Variants in NELL1 observed in about 807,000 individuals in gnomAD.
The protein encoded by NELL1 is protein kinase C-binding protein NELL1.
NELL1 carries 76 observed loss-of-function variants against 107.4 expected under a neutral mutation model. The ratio of observed to expected loss-of-function variants is 0.71; its 90% confidence interval spans 0.59 to 0.86. The LOEUF is 0.86. NELL1 is among the 40% of genes least tolerant of loss of function. The pLI is 0.00. For synonymous variants in NELL1, 353 were observed against 341.2 expected (o/e 1.03, Z -0.38); for missense variants, 1,024 against 1,005.5 (o/e 1.02, Z -0.25).
intron 3 of NELL1, among the ~76,000 whole-genome samples, chr11:20,840,494 A>C (rs758696988): frequency 1.2e-4 from 19 of 152,144 alleles, no homozygotes; most frequent in Non-Finnish European, 2.5e-4. Flanking sequence ...AGGTGTTTTC[A>C]CTCATAAAGC....
At chr11:20,972,314 A>G (rs189821535) in intron 12 of NELL1, among the ~76,000 whole-genome samples, 310 of 152,312 alleles carry the variant, frequency 2.0e-3, no homozygotes, top group African/African-American at 6.9e-3. Context: ...GTTCAATAAG[A>G]TATAAGTAAG....
At chr11:21,072,520 C>T (rs1282236069) in intron 12 of NELL1, among the ~76,000 whole-genome samples, 2 of 152,150 alleles carry the variant, frequency 1.3e-5, no homozygotes, top group African/African-American at 4.8e-5. Flanking sequence ...CTTCATGCTG[C>T]AAGTTCTTGG....
rs147375207 is a variant in NELL1 at position 21,416,111 on chromosome 11, C to G, written c.1645+45163C>G. ...ATCTTTCTTCAGAGAGAAAATAGAACGCTACATAAGGTGTTTTCAAGTGCT... is the reference window on the plus strand; with the variant it reads ...ATCTTTCTTCAGAGAGAAAATAGAAGGCTACATAAGGTGTTTTCAAGTGCT... On this transcript the variant is annotated intron_variant, in intron 15 of 19. Transcript: ENST00000357134. 9.9e-3 allele frequency among the ~76,000 whole-genome samples: 1,502 copies of G among 152,104 alleles called. 68 individuals carry two copies. The highest frequency in any genetic ancestry group is 0.089 in the Admixed American group (1,360 of 15,246).
At chr11:20,891,616 C>G (rs555782794) in intron 5 of NELL1, among the ~76,000 whole-genome samples, 1 of 152,138 alleles carries the variant, frequency 6.6e-6, no homozygotes, top group East Asian at 1.9e-4. Context: ...TTCAGGAGAT[C>G]CATCTTACAT....
intron 15 of NELL1, among the ~76,000 whole-genome samples, chr11:21,435,431 G>GT (rs1231347280): frequency 8.0e-6 from 1 of 124,754 alleles, no homozygotes; most frequent in Non-Finnish European, 1.6e-5. Flanking sequence ...AGCTTTTATT[G>GT]TTTTTTGTTT....
intron 14 of NELL1, among the ~76,000 whole-genome samples, chr11:21,363,391 G>A (rs1418192567): frequency 6.6e-6 from 1 of 152,190 alleles, no homozygotes; most frequent in African/African-American, 2.4e-5. Flanking sequence ...ATTGCCAAGT[G>A]GAGATGTGTG....
chr11:21,358,286 T>G (rs1850985385), intron 14 of NELL1, among the ~76,000 whole-genome samples: 1 of 152,234 alleles, frequency 6.6e-6, no homozygotes. Context: ...GCATAGGATG[T>G]GTCTCCATTT....
intron 12 of NELL1, among the ~76,000 whole-genome samples, chr11:21,044,100 T>C (rs986728716): frequency 1.3e-5 from 2 of 152,210 alleles, no homozygotes; most frequent in Middle Eastern, 3.4e-3. Context: ...TCAGATCAAA[T>C]CCTGAGGATG....
At chr11:20,855,407 G>T (rs543531667) in intron 4 of NELL1, among the ~76,000 whole-genome samples, 1 of 152,114 alleles carries the variant, frequency 6.6e-6, no homozygotes, top group Non-Finnish European at 1.5e-5. Context: ...TACCTGAGGC[G>T]AGGAGTGGAT....
At chr11:20,784,842 G>A (rs1856921828) in intron 3 of NELL1, among the ~76,000 whole-genome samples, 1 of 152,194 alleles carries the variant, frequency 6.6e-6, no homozygotes, top group South Asian at 2.1e-4. Context: ...GTATGGTGGA[G>A]TTTGGCAATG....
chr11:21,135,864 A>G (rs944620459), intron 13 of NELL1, among the ~76,000 whole-genome samples: 1 of 152,188 alleles, frequency 6.6e-6, no homozygotes, highest in Non-Finnish European at 1.5e-5. Flanking sequence ...GAGAATATTT[A>G]TCAATTTTTG....
intron 11 of NELL1, among the ~76,000 whole-genome samples, chr11:20,948,646 C>T (rs988776298): frequency 3.3e-5 from 5 of 151,408 alleles, no homozygotes; most frequent in Non-Finnish European, 5.9e-5. Flanking sequence ...TTTCCCTTCA[C>T]GGCCTCTTAA....
intron 2 of NELL1, among the ~76,000 whole-genome samples, chr11:20,728,036 T>C (rs1221328582): frequency 6.6e-6 from 1 of 152,216 alleles, no homozygotes. Flanking sequence ...TGGTTTTGAT[T>C]TGCATTTCTT....
intron 5 of NELL1, among the ~76,000 whole-genome samples, chr11:20,895,700 G>A (rs991429778): frequency 1.3e-5 from 2 of 151,774 alleles, no homozygotes. Context: ...TAGAGACGGG[G>A]TTTCACTGTC....
intron 12 of NELL1, among the ~76,000 whole-genome samples, chr11:20,967,337 T>A (rs866114831): frequency 6.9e-6 from 1 of 145,878 alleles, no homozygotes; most frequent in Non-Finnish European, 1.5e-5. Flanking sequence ...TAGGTAACTT[T>A]TTTTTTTTAC....
intron 4 of NELL1, among the ~76,000 whole-genome samples, chr11:20,858,614 T>A (rs1463867263): frequency 6.6e-6 from 1 of 152,144 alleles, no homozygotes; most frequent in Admixed American, 6.5e-5. Context: ...ACAATGATGA[T>A]CTGTTGTTGC....
intron 15 of NELL1, among the ~76,000 whole-genome samples, chr11:21,522,012 A>G (rs1416991657): frequency 6.6e-6 from 1 of 152,176 alleles, no homozygotes; most frequent in East Asian, 1.9e-4. Flanking sequence ...TTCCTGTCAG[A>G]TCCATGGCTT....
At chr11:21,066,742 G>A (rs1050213893) in intron 12 of NELL1, among the ~76,000 whole-genome samples, 9 of 152,006 alleles carry the variant, frequency 5.9e-5, no homozygotes, top group Admixed American at 1.3e-4. Flanking sequence ...TTGAGGTCAC[G>A]AATTAGAAAC....
intron 15 of NELL1, among the ~76,000 whole-genome samples, chr11:21,489,379 T>TAAAAAAA (rs1564920374): frequency 6.3e-5 from 1 of 15,814 alleles, no homozygotes; most frequent in African/African-American, 3.0e-4. Context: ...TGAAAGTATT[T>TAAAAAAA]CAAAAAAAAA....
Sources: allele counts gnomAD v4.1 joint callset (sites outside exome capture counted in the v4.1 genomes callset), GRCh38; gene constraint gnomAD v4.1.1; transcripts MANE v1.5; gene names NCBI Gene and HGNC (gene_info 2026-07-23, HGNC 2026-07-21).